Variants in RAI14 observed in about 807,000 individuals in gnomAD.
RAI14 encodes retinoic acid induced 14, also known as ankycorbin.
A neutral mutation model predicts 115.4 loss-of-function variants in RAI14; 45 were observed. That is an observed-to-expected ratio of 0.39 (90% CI 0.31 to 0.50). The LOEUF (loss-of-function observed/expected upper bound fraction) is 0.50, where lower values mean the gene tolerates loss of function less well. RAI14 is among the 20% of genes least tolerant of loss of function. The pLI is 0.85. For missense variants in RAI14, 939 were observed against 1,131.2 expected, an observed-to-expected ratio of 0.83 and a Z score of 2.44; for synonymous variants, 371 against 415.4, an observed-to-expected ratio of 0.89 and a Z score of 1.30.
At chr5:34,770,567 G>C (rs576744099) in intron 3 of RAI14, among the ~76,000 whole-genome samples, 1 of 152,322 alleles carries the variant, frequency 6.6e-6, no homozygotes, top group Admixed American at 6.5e-5. Flanking sequence ...ACCTGGAGAA[G>C]GAAGCCCTCT....
chr5:34,737,589 C>CA (rs113624140), intron 2 of RAI14, among the ~76,000 whole-genome samples: 94,390 of 146,248 alleles, frequency 0.65, 30,622 homozygotes, highest in African/African-American at 0.74. Context: ...CTCATCTCTA[C>CA]AAAAAAAAAA....
At chr5:34,743,412 T>A (rs1227047797) in intron 2 of RAI14, among the ~76,000 whole-genome samples, 1 of 152,206 alleles carries the variant, frequency 6.6e-6, no homozygotes, top group East Asian at 1.9e-4. Context: ...TCTGTTCCAT[T>A]TCTAAGGATA....
chr5:34,768,045 G>A (rs911697928), intron 3 of RAI14, among the ~76,000 whole-genome samples: 2 of 152,050 alleles, frequency 1.3e-5, no homozygotes, highest in African/African-American at 2.4e-5. Flanking sequence ...AGTTTGCACC[G>A]TTCACCTGGA....
intron 2 of RAI14, among the ~76,000 whole-genome samples, chr5:34,713,655 A>G (rs144137088): frequency 9.1e-4 from 138 of 152,036 alleles, no homozygotes; most frequent in African/African-American, 3.2e-3. Flanking sequence ...CTTCCTCTTG[A>G]CTCCCAAAGT....
At chr5:34,779,619 A>C (rs985931120) in intron 3 of RAI14, among the ~76,000 whole-genome samples, 1 of 152,204 alleles carries the variant, frequency 6.6e-6, no homozygotes, top group East Asian at 1.9e-4. Flanking sequence ...CCCATTCACA[A>C]TTGCTTCAAA....
chr5:34,801,999 G>C (rs1316303157), intron 4 of RAI14, among the ~76,000 whole-genome samples: 1 of 152,158 alleles, frequency 6.6e-6, no homozygotes, highest in African/African-American at 2.4e-5. Context: ...AGGAGATCTT[G>C]GCTACAGTGA....
chr5:34,734,367 T>C (rs1438658651), intron 2 of RAI14, among the ~76,000 whole-genome samples: 1 of 152,218 alleles, frequency 6.6e-6, no homozygotes, highest in African/African-American at 2.4e-5. Flanking sequence ...ACCTCTGTTA[T>C]CTTTTAGTAA....
chr5:34,797,174 C>T (rs1753639284), intron 4 of RAI14, among the ~76,000 whole-genome samples: 1 of 152,152 alleles, frequency 6.6e-6, no homozygotes, highest in African/African-American at 2.4e-5. Context: ...TAATAGGTTT[C>T]TATTAGTGTT....
intron 2 of RAI14, among the ~76,000 whole-genome samples, chr5:34,747,708 A>G (rs1746470680): frequency 6.6e-6 from 1 of 152,208 alleles, no homozygotes; most frequent in Non-Finnish European, 1.5e-5. Flanking sequence ...CTTTAAAATT[A>G]TTTAATAATT....
chr5:34,678,175 G>A (rs746792529), intron 1 of RAI14, among the ~76,000 whole-genome samples: 3 of 151,276 alleles, frequency 2.0e-5, no homozygotes, highest in Non-Finnish European at 2.9e-5. Flanking sequence ...TTGGCTCACC[G>A]CAACCTCCAC....
At chr5:34,688,408 A>C (rs1738136909) in intron 2 of RAI14, 2 of 630,274 alleles carry the variant, frequency 3.2e-6, no homozygotes, top group South Asian at 5.2e-5. Context: ...CTAGACTTCC[A>C]TATATATATG....
intron 2 of RAI14, among the ~76,000 whole-genome samples, chr5:34,754,068 G>A (rs146273906): frequency 2.6e-3 from 384 of 145,500 alleles, no homozygotes; most frequent in African/African-American, 9.4e-3. Flanking sequence ...GCAACAAGGT[G>A]AGACTCCATC....
At chr5:34,709,952 C>A (rs1741186471) in intron 2 of RAI14, among the ~76,000 whole-genome samples, 2 of 152,140 alleles carry the variant, frequency 1.3e-5, no homozygotes, top group African/African-American at 4.8e-5. Flanking sequence ...TGATTTAAGG[C>A]CAGATTGTTT....
intron 3 of RAI14, among the ~76,000 whole-genome samples, chr5:34,784,098 G>A (rs144570335): frequency 1.1e-3 from 172 of 152,300 alleles, no homozygotes; most frequent in African/African-American, 4.0e-3. Flanking sequence ...GTTGGGCGTC[G>A]CTGGATAATA....
At chr5:34,697,453 A>G (rs1016499257) in intron 2 of RAI14, among the ~76,000 whole-genome samples, 1 of 152,008 alleles carries the variant, frequency 6.6e-6, no homozygotes, top group Non-Finnish European at 1.5e-5. Flanking sequence ...AAAAAAGAAA[A>G]AAAAAAAAAG....
chr5:34,782,056 C>T (rs1751711996), intron 3 of RAI14, among the ~76,000 whole-genome samples: 1 of 152,226 alleles, frequency 6.6e-6, no homozygotes, highest in Non-Finnish European at 1.5e-5. Flanking sequence ...CCACAGATCA[C>T]TCATGCTATT....
intron 2 of RAI14, among the ~76,000 whole-genome samples, chr5:34,741,313 A>T (rs1745482688): frequency 6.6e-6 from 1 of 152,232 alleles, no homozygotes; most frequent in African/African-American, 2.4e-5. Flanking sequence ...GAGGTTAAGT[A>T]ACTTCTCCAG....
Position 34,824,280 on chromosome 5 carries a change from A to T in RAI14, c.2438A>T (p.Glu813Val). Reference sequence around the variant, plus strand: ...TCGAAATTAAAGGAATCTGTGAAAGAGAAAGAGAAGGTCCATTCAGAGGTT... The same window carrying T: ...TCGAAATTAAAGGAATCTGTGAAAGTGAAAGAGAAGGTCCATTCAGAGGTT... The part of the protein sequence containing the change: ...LASKLKESVK[E>V]KEKVHSEVVQ... Residue 813 changes from glutamate (E) to valine (V), a missense_variant, in exon 15 of 18, where the codon GAG (glutamate) becomes GTG (valine). Coordinates refer to ENST00000265109, the MANE Select transcript of RAI14 (RefSeq NM_015577.3). The T allele has an allele frequency of 6.2e-7, 1 of 1,614,246 alleles. No homozygotes were observed. Among genetic ancestry groups the T allele is most frequent in the Non-Finnish European group, 8.5e-7 (1 of 1,180,038 alleles).
intron 2 of RAI14, among the ~76,000 whole-genome samples, chr5:34,753,096 C>T (rs1448535499): frequency 6.6e-6 from 1 of 151,940 alleles, no homozygotes; most frequent in Non-Finnish European, 1.5e-5. Context: ...GAGTTGAAAA[C>T]TATAAGAGGA....
Sources: allele counts gnomAD v4.1 joint callset (sites outside exome capture counted in the v4.1 genomes callset), GRCh38; gene constraint gnomAD v4.1.1; transcripts MANE v1.5; gene names NCBI Gene and HGNC (gene_info 2026-07-23, HGNC 2026-07-21).